The following RGSL1 variants were observed in gnomAD, a reference collection of about 807,000 sequenced individuals.
RGSL1 encodes the protein regulator of G protein signaling protein-like.
A neutral mutation model predicts 124.7 loss-of-function variants in RGSL1; 97 were observed. The observed-to-expected ratio is 0.78, with a 90% CI of 0.66 to 0.92. The LOEUF (loss-of-function observed/expected upper bound fraction) is 0.92. Among genes scored for constraint, RGSL1 ranks in the 40% least tolerant of loss-of-function variants. The probability of loss-of-function intolerance (pLI) is 0.00; values close to 1 mark genes in which losing one functional copy is unlikely to be tolerated. For missense variants in RGSL1, 1,233 were observed against 1,288.4 expected (o/e 0.96, Z 0.66); for synonymous variants, 424 against 438.1 (o/e 0.97, Z 0.40).
chr1:182,508,672 G>GTTTTTTTTTTTTTTTTTT (rs869237122), intron 9 of RGSL1, among the ~76,000 whole-genome samples: 1 of 13,996 alleles, frequency 7.1e-5, no homozygotes, highest in African/African-American at 1.4e-4. Flanking sequence ...TTGACTATTT[G>GTTTTTTTTTTTTTTTTTT]TTTTTTTTTT....
chr1:182,458,076 A>G (rs549708440), intron 2 of RGSL1, among the ~76,000 whole-genome samples: 94 of 152,386 alleles, frequency 6.2e-4, no homozygotes, highest in Non-Finnish European at 1.1e-3. Context: ...TCCACAGGAA[A>G]GATAGCTCCC....
chr1:182,516,890 A>G (rs953482071), intron 9 of RGSL1, among the ~76,000 whole-genome samples: 14 of 152,274 alleles, frequency 9.2e-5, no homozygotes, highest in Middle Eastern at 3.4e-3. Flanking sequence ...CCATAATTAT[A>G]GTATTAGAGT....
chr1:182,468,626 G>C (rs906029131), intron 4 of RGSL1, among the ~76,000 whole-genome samples: 23 of 152,066 alleles, frequency 1.5e-4, no homozygotes, highest in Non-Finnish European at 2.2e-4. Flanking sequence ...GTAGGGTTGA[G>C]GGGGAGGGAT....
intron 9 of RGSL1, among the ~76,000 whole-genome samples, chr1:182,505,113 G>A (rs1270693369): frequency 2.0e-5 from 3 of 152,076 alleles, no homozygotes; most frequent in Non-Finnish European, 2.9e-5. Flanking sequence ...TTGTCCCTAG[G>A]CCCAAGCTGT....
Position 182,481,697 on chromosome 1 carries a change from G to A in RGSL1, c.1432-6588G>A, listed in dbSNP as rs186714568. On this transcript the variant is annotated intron_variant, in intron 6 of 21. Coordinates refer to ENST00000294854, the MANE Select transcript of RGSL1 (RefSeq NM_001137669.2). ...TGCAAATATTCACAAGAAAATACGA[G>A]CATGGCCAGGTGCAGTGGTTCATGC... Among the ~76,000 whole-genome samples the A allele has an allele frequency of 2.5e-3, 374 of 152,280 alleles. 1 individual carries two copies. The highest frequency in any genetic ancestry group is 4.3e-3 in the Non-Finnish European group (290 of 68,038).
chr1:182,528,629 C>T (rs901742411), intron 11 of RGSL1, among the ~76,000 whole-genome samples: 3 of 152,112 alleles, frequency 2.0e-5, no homozygotes, highest in African/African-American at 4.8e-5. Context: ...AGTCATTAAA[C>T]CTTAAAGTTC....
chr1:182,531,998 C>T (rs1659206515), intron 13 of RGSL1, among the ~76,000 whole-genome samples: 1 of 152,168 alleles, frequency 6.6e-6, no homozygotes, highest in Non-Finnish European at 1.5e-5. Context: ...GCTTTTTGTA[C>T]TTCACTGCTT....
chr1:182,519,496 C>CG (rs1401979890), intron 9 of RGSL1, among the ~76,000 whole-genome samples: 1 of 150,396 alleles, frequency 6.6e-6, no homozygotes, highest in African/African-American at 2.4e-5. Context: ...TCTTTTTTTC[C>CG]CTTGTTTCTT....
At chr1:182,450,032 A>G, upstream of RGSL1, 1 of 1,001,438 alleles carries the variant, frequency 1.0e-6, no homozygotes. Flanking sequence ...ACCAGAGGTA[A>G]GTAGATCACT....
chr1:182,454,112 C>T (rs1652076065), intron 2 of RGSL1, 72 bp downstream of exon 2: 4 of 891,244 alleles, frequency 4.5e-6, no homozygotes, highest in Non-Finnish European at 5.3e-6. Flanking sequence ...AGCTGAGTGA[C>T]TTTTTTTGTT....
intron 4 of RGSL1, among the ~76,000 whole-genome samples, chr1:182,463,293 C>CAA (rs1213777400): frequency 0.032 from 1,922 of 60,392 alleles, 28 homozygotes; most frequent in Non-Finnish European, 0.052. Flanking sequence ...GACTCCATCT[C>CAA]AAAAAAAAAA....
chr1:182,557,939 TAAG>T (rs1660956721), intron 21 of RGSL1, among the ~76,000 whole-genome samples: 1 of 151,996 alleles, frequency 6.6e-6, no homozygotes, highest in African/African-American at 2.4e-5. Flanking sequence ...CCATGAGAGA[TAAG>T]AAGGAGTGGT....
At chr1:182,508,190 G>A (rs1015547066) in intron 9 of RGSL1, among the ~76,000 whole-genome samples, 10 of 150,906 alleles carry the variant, frequency 6.6e-5, no homozygotes, top group Non-Finnish European at 1.2e-4. Context: ...CACCAGCATC[G>A]TTTATTCCAT....
chr1:182,511,218 T>G (rs1657426597), intron 9 of RGSL1, among the ~76,000 whole-genome samples: 1 of 152,176 alleles, frequency 6.6e-6, no homozygotes, highest in Non-Finnish European at 1.5e-5. Context: ...CAGGCTGGAG[T>G]GCAATGGCAT....
upstream of RGSL1, chr1:182,450,116 G>T (rs899753833): frequency 6.4e-7 from 1 of 1,550,534 alleles, no homozygotes; most frequent in East Asian, 2.4e-5. Context: ...TATTGACTGG[G>T]GGGTAATTCT....
At chr1:182,523,577 A>T (rs959267426) in intron 10 of RGSL1, among the ~76,000 whole-genome samples, 1 of 152,204 alleles carries the variant, frequency 6.6e-6, no homozygotes, top group Non-Finnish European at 1.5e-5. Context: ...CATATCTGTA[A>T]GATCATTAAG....
rs547793483 is a variant in RGSL1, at chr1:182,454,039, C to A, written c.95C>A (p.Pro32Gln). ...ADFFNTFLSL[P>Q]VFGQTPFYTV... ...TTTTTCAACACATTTCTTTCCCTCC[C>A]GGTAAGCATTCTCAGATTTAAATAC... Residue 32 changes from proline (P) to glutamine (Q), a missense_variant and splice_region_variant, in exon 2 of 22, where the codon CCG becomes CAG. Coordinates refer to ENST00000294854, the MANE Select transcript of RGSL1 (RefSeq NM_001137669.2). The A allele has an allele frequency of 6.7e-7, 1 of 1,491,884 alleles. No individual in the cohort carries two copies. Among genetic ancestry groups the A allele is most frequent in the Non-Finnish European group, 9.2e-7 (1 of 1,092,686 alleles). The allele number at this position is 1,491,884 out of a possible 1,614,324, so 92.4% of individuals were successfully genotyped here. A position where few individuals can be genotyped will look rare whatever the true frequency, so the allele number is the denominator to read the frequency against.
intron 14 of RGSL1, among the ~76,000 whole-genome samples, chr1:182,534,894 C>T (rs573711006): frequency 6.6e-6 from 1 of 152,026 alleles, no homozygotes; most frequent in Non-Finnish European, 1.5e-5. Flanking sequence ...GCCCTCATGC[C>T]CCAGAATGGT....
intron 6 of RGSL1, among the ~76,000 whole-genome samples, chr1:182,485,069 G>C (rs1322168518): frequency 6.6e-6 from 1 of 152,150 alleles, no homozygotes; most frequent in Non-Finnish European, 1.5e-5. Context: ...TGGCCATTAG[G>C]CAGCTCCCTC....
Sources: allele counts gnomAD v4.1 joint callset (sites outside exome capture counted in the v4.1 genomes callset), GRCh38; gene constraint gnomAD v4.1.1; transcripts MANE v1.5; gene names NCBI Gene and HGNC (gene_info 2026-07-23, HGNC 2026-07-21).